SOBP: variants seen among roughly 807,000 people sequenced by gnomAD.
SOBP encodes sine oculis-binding protein homolog.
Under a neutral mutation model 53.6 loss-of-function variants are expected in SOBP, and 4 were observed. That is an observed-to-expected ratio of 0.07 (90% CI 0.04 to 0.17). The LOEUF is 0.17. Among genes scored for constraint, SOBP ranks in the 10% least tolerant of loss-of-function variants. The pLI is 1.00. For missense variants in SOBP, 1,088 were observed against 1,204.7 expected (o/e 0.90, Z 1.43); for synonymous variants, 584 against 522.6 (o/e 1.12, Z -1.60).
At chr6:107,559,926 A>G (rs888196877) in intron 4 of SOBP, among the ~76,000 whole-genome samples, 4 of 151,960 alleles carry the variant, frequency 2.6e-5, no homozygotes, top group African/African-American at 4.8e-5. Context: ...CTTAAAAGGA[A>G]CTGTGTTCAA....
At chr6:107,592,784 AT>A (rs1216620665) in intron 5 of SOBP, among the ~76,000 whole-genome samples, 3 of 152,078 alleles carry the variant, frequency 2.0e-5, no homozygotes, top group Admixed American at 6.5e-5. Context: ...CTGTCTCACC[AT>A]TTTTTTTCCC....
intron 5 of SOBP, among the ~76,000 whole-genome samples, chr6:107,596,386 G>T (rs1000836484): frequency 6.6e-6 from 1 of 151,734 alleles, no homozygotes; most frequent in Non-Finnish European, 1.5e-5. Context: ...ATGAATATAT[G>T]CAATAACATA....
At chr6:107,618,337 G>C (rs1216670939) in intron 5 of SOBP, among the ~76,000 whole-genome samples, 2 of 152,178 alleles carry the variant, frequency 1.3e-5, no homozygotes, top group Non-Finnish European at 2.9e-5. Context: ...TATTTGTCTG[G>C]TTAGAAGAGT....
At chr6:107,528,620 TATTG>T (rs1279500300) in intron 3 of SOBP, among the ~76,000 whole-genome samples, 8 of 152,344 alleles carry the variant, frequency 5.3e-5, no homozygotes, top group Non-Finnish European at 8.8e-5. Context: ...AATCAACAAA[TATTG>T]ATTAACACTT....
chr6:107,507,034 C>T (rs1190147314), intron 3 of SOBP, among the ~76,000 whole-genome samples: 3 of 151,232 alleles, frequency 2.0e-5, no homozygotes, highest in Admixed American at 2.0e-4. Flanking sequence ...CCACTGCACT[C>T]CAACCTGGGC....
At chr6:107,520,160 G>A (rs1414551156) in intron 3 of SOBP, among the ~76,000 whole-genome samples, 2 of 152,130 alleles carry the variant, frequency 1.3e-5, no homozygotes, top group Non-Finnish European at 2.9e-5. Flanking sequence ...TCCTATGGTA[G>A]GGGTAAGGAA....
intron 6 of SOBP, among the ~76,000 whole-genome samples, chr6:107,648,803 T>C (rs1380360565): frequency 5.3e-5 from 8 of 152,096 alleles, no homozygotes; most frequent in Non-Finnish European, 1.2e-4. Flanking sequence ...ATCTGTAAAA[T>C]GGAGATAGTA....
At chr6:107,511,841 C>G (rs1783178941) in intron 3 of SOBP, 1 of 152,344 alleles carries the variant, frequency 6.6e-6, no homozygotes, top group African/African-American at 2.4e-5. Flanking sequence ...TGCCTTTCCC[C>G]CCACAGAGAC....
chr6:107,633,454 T>A, intron 5 of SOBP, 60 bp from the exon 6 acceptor site: 1 of 1,606,044 alleles, frequency 6.2e-7, no homozygotes, highest in South Asian at 1.1e-5. Context: ...ACACGAAACG[T>A]CATCTACCCA....
At chr6:107,578,792 C>T (rs12197661) in intron 4 of SOBP, among the ~76,000 whole-genome samples, 11,133 of 152,064 alleles carry the variant, frequency 0.073, 437 homozygotes, top group Middle Eastern at 0.13. Context: ...CATTTGAGGC[C>T]GGGTTATTTC....
At chr6:107,599,144 C>G (rs1474395336) in intron 5 of SOBP, among the ~76,000 whole-genome samples, 3 of 152,054 alleles carry the variant, frequency 2.0e-5, no homozygotes, top group Non-Finnish European at 4.4e-5. Context: ...CACTTCCTGG[C>G]TATGTGGGTT....
chr6:107,577,092 T>C (rs894704167), intron 4 of SOBP, among the ~76,000 whole-genome samples: 1 of 152,222 alleles, frequency 6.6e-6, no homozygotes, highest in Non-Finnish European at 1.5e-5. Context: ...AGATGTGCAC[T>C]GATTCATCTG....
At chr6:107,498,606 G>C (rs1004880189) in intron 1 of SOBP, among the ~76,000 whole-genome samples, 1 of 152,128 alleles carries the variant, frequency 6.6e-6, no homozygotes, top group Non-Finnish European at 1.5e-5. Flanking sequence ...AATCATGTAG[G>C]TTGAACTTTG....
chr6:107,516,910 G>C (rs1273751569), intron 3 of SOBP, among the ~76,000 whole-genome samples: 4 of 152,084 alleles, frequency 2.6e-5, no homozygotes. Context: ...ATAGATTAGA[G>C]ACTAAATATT....
intron 5 of SOBP, among the ~76,000 whole-genome samples, chr6:107,610,514 C>G (rs1192525986): frequency 6.6e-6 from 1 of 152,206 alleles, no homozygotes; most frequent in Non-Finnish European, 1.5e-5. Flanking sequence ...TCGCAGGTGC[C>G]ACATGGCTAC....
chr6:107,582,943 T>A (rs918617994), intron 4 of SOBP, among the ~76,000 whole-genome samples: 7 of 152,240 alleles, frequency 4.6e-5, no homozygotes, highest in Admixed American at 4.6e-4. Flanking sequence ...CTGCTTTATG[T>A]TGTTACCATG....
chr6:107,531,919 A>C (rs903563124), intron 3 of SOBP, among the ~76,000 whole-genome samples: 30 of 152,162 alleles, frequency 2.0e-4, no homozygotes, highest in African/African-American at 7.0e-4. Context: ...TCAGGGGGAA[A>C]AAAGCCATAT....
chr6:107,597,097 G>C lies in SOBP; in HGVS notation c.669+9922G>C, dbSNP rs948039782. On this transcript the variant is annotated intron_variant, in intron 5 of 6. Coordinates refer to ENST00000317357, the MANE Select transcript of SOBP (RefSeq NM_018013.4). ...AGGATGTGCTGCTATTTGTTTCTCT[G>C]TGTGAACAGGGAGGGGAAAAGAAAC... 2.6e-5 allele frequency among the ~76,000 whole-genome samples: 4 copies of C among 152,164 alleles called. No homozygotes were observed. The East Asian group carries it at 7.7e-4, about 29-fold the overall frequency.
chr6:107,631,905 A>G (rs1409940992), intron 5 of SOBP, among the ~76,000 whole-genome samples: 4 of 152,224 alleles, frequency 2.6e-5, no homozygotes, highest in Admixed American at 6.5e-5. Context: ...CAGTGGAAAA[A>G]AAGCGAGAAG....
Sources: gnomAD v4.1 joint callset for allele counts (sites outside exome capture counted in the v4.1 genomes callset) on GRCh38, gnomAD v4.1.1 for gene constraint, MANE v1.5 for transcripts, NCBI Gene and HGNC (gene_info 2026-07-23, HGNC 2026-07-21) for gene names.